The following KHDRBS2 variants were observed in gnomAD, a reference collection of about 807,000 sequenced individuals.
KHDRBS2 encodes KH domain-containing, RNA-binding, signal transduction-associated protein 2.
Under a neutral mutation model 44.3 loss-of-function variants are expected in KHDRBS2, and 26 were observed. The ratio of observed to expected loss-of-function variants is 0.59; its 90% CI spans 0.43 to 0.81. KHDRBS2 has a LOEUF of 0.81. KHDRBS2 is among the 40% of genes least tolerant of loss of function. The probability of loss-of-function intolerance (pLI) is 0.00; values close to 1 mark genes in which losing one functional copy is unlikely to be tolerated. For missense variants in KHDRBS2, 476 were observed against 433.1 expected (o/e 1.10, Z -0.88); for synonymous variants, 194 against 151.1 (o/e 1.28, Z -2.08).
chr6:61,662,500 C>T, the KHDRBS2 span, among the ~76,000 whole-genome samples: 4 of 152,066 alleles, frequency 2.6e-5, no homozygotes, highest in African/African-American at 9.7e-5. Flanking sequence ...ATGTACTCAT[C>T]TGACTAAGGG....
intron 8 of KHDRBS2, among the ~76,000 whole-genome samples, chr6:61,682,281 T>C (rs1317440830): frequency 6.6e-6 from 1 of 151,910 alleles, no homozygotes; most frequent in Admixed American, 6.6e-5. Context: ...AAATGGCACT[T>C]AAGTGGACAA....
At chr6:61,597,638 T>G in the KHDRBS2 span, among the ~76,000 whole-genome samples, 2 of 147,882 alleles carry the variant, frequency 1.4e-5, no homozygotes, top group African/African-American at 5.0e-5. Flanking sequence ...GGTGGCAGAA[T>G]GGGGGACAGA....
At chr6:62,062,162 C>G (rs1792107850) in intron 2 of KHDRBS2, among the ~76,000 whole-genome samples, 1 of 148,404 alleles carries the variant, frequency 6.7e-6, no homozygotes, top group African/African-American at 2.5e-5. Flanking sequence ...GACTTAGACT[C>G]CCACACATTA....
chr6:62,231,471 C>G (rs1330963716), intron 1 of KHDRBS2, among the ~76,000 whole-genome samples: 1 of 152,168 alleles, frequency 6.6e-6, no homozygotes, highest in Non-Finnish European at 1.5e-5. Context: ...CCAATCATCT[C>G]CCTCCCTCTA....
the KHDRBS2 span, among the ~76,000 whole-genome samples, chr6:61,572,640 T>C: frequency 6.6e-6 from 1 of 152,160 alleles, no homozygotes; most frequent in Non-Finnish European, 1.5e-5. Flanking sequence ...GTGAGTTTCA[T>C]AACAGGGATG....
At chr6:62,167,338 C>T (rs1818909651) in intron 2 of KHDRBS2, among the ~76,000 whole-genome samples, 1 of 151,922 alleles carries the variant, frequency 6.6e-6, no homozygotes, top group East Asian at 1.9e-4. Flanking sequence ...AAATGCATGA[C>T]TCAATGTGGG....
chr6:62,064,684 G>A lies in KHDRBS2; in HGVS notation c.220-16690C>T, dbSNP rs185643741. On this transcript the variant is annotated intron_variant, in intron 2 of 8. Transcript: ENST00000281156. ...ACCTAAAACCATAAAAACCCTAGAA[G>A]AAAACCTAGGCATTACCATTCAGGT... is the stretch of plus-strand genomic sequence containing the variant. 4.1e-3 allele frequency among the ~76,000 whole-genome samples: 620 copies of A among 152,080 alleles called. 21 individuals carry two copies. In the East Asian group the frequency reaches 0.077, roughly 19 times the overall value.
intron 3 of KHDRBS2, among the ~76,000 whole-genome samples, chr6:62,023,915 T>A (rs1782809543): frequency 1.3e-5 from 2 of 151,196 alleles, no homozygotes; most frequent in Non-Finnish European, 3.0e-5. Flanking sequence ...TACATATTAT[T>A]TAAAACTATA....
intron 6 of KHDRBS2, among the ~76,000 whole-genome samples, chr6:61,892,196 G>T (rs1385800422): frequency 6.6e-6 from 1 of 152,078 alleles, no homozygotes. Flanking sequence ...ACTTACAAGG[G>T]ATGTGAAGGA....
At chr6:61,877,985 T>C (rs1248912109) in intron 6 of KHDRBS2, among the ~76,000 whole-genome samples, 2 of 151,986 alleles carry the variant, frequency 1.3e-5, no homozygotes, top group Non-Finnish European at 2.9e-5. Flanking sequence ...AAATTAATAT[T>C]GAATAGCTTT....
chr6:61,710,796 C>CCT (rs1554167765), intron 7 of KHDRBS2, among the ~76,000 whole-genome samples: 1 of 116,436 alleles, frequency 8.6e-6, no homozygotes, highest in Non-Finnish European at 1.8e-5. Flanking sequence ...TACCTGAGCT[C>CCT]TTTTTTTTTT....
the KHDRBS2 span, among the ~76,000 whole-genome samples, chr6:61,559,299 C>T: frequency 6.6e-6 from 1 of 151,118 alleles, no homozygotes; most frequent in Non-Finnish European, 1.5e-5. Context: ...CCAGTGTATG[C>T]ATATTTTTAT....
Position 61,943,819 on chromosome 6 carries a change from C to G in KHDRBS2, c.483+34247G>C, listed in dbSNP as rs552892746. On this transcript the variant is annotated intron_variant, in intron 4 of 8. Coordinates refer to ENST00000281156, the MANE Select transcript of KHDRBS2 (RefSeq NM_152688.4). ...AACTCAACTATTAAAAAGAACCACA[C>G]AAATAATCTTATAAAAAATGGGCAA... 1.1e-3 allele frequency among the ~76,000 whole-genome samples: 172 copies of G among 152,060 alleles called. 1 individual carries two copies. Among genetic ancestry groups the G allele is most frequent in the African/African-American group, 4.0e-3 (166 of 41,494 alleles).
intron 2 of KHDRBS2, among the ~76,000 whole-genome samples, chr6:62,164,030 A>AT (rs1365356217): frequency 4.6e-5 from 7 of 151,594 alleles, no homozygotes; most frequent in Admixed American, 6.6e-5. Flanking sequence ...TAAAACGTGC[A>AT]TTTTTTTTCA....
chr6:61,754,331 A>G (rs1418366352), intron 6 of KHDRBS2, among the ~76,000 whole-genome samples: 4 of 152,108 alleles, frequency 2.6e-5, no homozygotes, highest in African/African-American at 9.7e-5. Flanking sequence ...GCCAGAGAAC[A>G]TTACAGGATT....
intron 2 of KHDRBS2, among the ~76,000 whole-genome samples, chr6:62,106,095 A>T (rs12197683): frequency 3.2e-4 from 49 of 152,130 alleles, no homozygotes; most frequent in Non-Finnish European, 6.5e-4. Context: ...GTTTTGAGTG[A>T]GTTTCTTAAT....
chr6:62,069,372 G>A (rs1216242300), intron 2 of KHDRBS2, among the ~76,000 whole-genome samples: 1 of 151,750 alleles, frequency 6.6e-6, no homozygotes, highest in African/African-American at 2.4e-5. Flanking sequence ...TATGTCACCT[G>A]TTTAGAAGAC....
chr6:61,944,764 C>T (rs986354489), intron 4 of KHDRBS2, among the ~76,000 whole-genome samples: 1 of 151,860 alleles, frequency 6.6e-6, no homozygotes, highest in Non-Finnish European at 1.5e-5. Flanking sequence ...CTCACATGGA[C>T]CCTATAAATA....
rs371982758 is a variant in KHDRBS2 at position 62,275,476 on chromosome 6, A to C, written c.91+10382T>G. On this transcript the variant is annotated intron_variant, in intron 1 of 8. Coordinates refer to ENST00000281156, the MANE Select transcript of KHDRBS2 (RefSeq NM_152688.4). ...TGTCTTTCCATTTATCATTTTCAGG[A>C]ATAAACATCATGGTAAATGTATTCT... Among the ~76,000 whole-genome samples the C allele has an allele frequency of 1.1e-4, 17 of 152,318 alleles. 1 individual carries two copies. The highest frequency in any genetic ancestry group is 5.9e-4 in the Admixed American group (9 of 15,300).
Sources: gnomAD v4.1 joint callset for allele counts (sites outside exome capture counted in the v4.1 genomes callset) on GRCh38, gnomAD v4.1.1 for gene constraint, MANE v1.5 for transcripts, NCBI Gene and HGNC (gene_info 2026-07-23, HGNC 2026-07-21) for gene names.